Variants in SCIMP observed in about 807,000 individuals in gnomAD.
The protein encoded by SCIMP is SLP adaptor and CSK interacting membrane protein, also known as SLP adapter and CSK-interacting membrane protein.
A neutral mutation model predicts 22.0 loss-of-function variants in SCIMP; 18 were observed. The ratio of observed to expected loss-of-function variants is 0.82; its 90% CI spans 0.56 to 1.21. SCIMP has a LOEUF of 1.21. Ranked by LOEUF, SCIMP falls within the 50% of genes most tolerant of loss-of-function variation. The probability of loss-of-function intolerance (pLI) is 0.00; values close to 1 mark genes in which losing one functional copy is unlikely to be tolerated. For synonymous variants in SCIMP, 53 were observed against 62.2 expected (o/e 0.85, Z 0.70); for missense variants, 155 against 171.2 (o/e 0.91, Z 0.53).
chr17:5,211,726 A>G (rs2074527008), intron 4 of SCIMP, among the ~76,000 whole-genome samples: 1 of 152,048 alleles, frequency 6.6e-6, no homozygotes, highest in Non-Finnish European at 1.5e-5. Context: ...AAGAAAGGGG[A>G]TGGCGTTGTT....
chr17:5,226,667 G>A (rs188115535), intron 1 of SCIMP, among the ~76,000 whole-genome samples: 5 of 151,460 alleles, frequency 3.3e-5, no homozygotes, highest in African/African-American at 9.7e-5. Context: ...CACCATGCCC[G>A]GCTAATTTTT....
At chr17:5,229,687 C>T (rs1335387338) in intron 1 of SCIMP, among the ~76,000 whole-genome samples, 3 of 151,892 alleles carry the variant, frequency 2.0e-5, no homozygotes, top group Non-Finnish European at 2.9e-5. Context: ...TGAGCCACTG[C>T]GTCCGGCGTA....
chr17:5,218,088 C>T (rs905934200), intron 3 of SCIMP, among the ~76,000 whole-genome samples: 2 of 151,920 alleles, frequency 1.3e-5, no homozygotes, highest in African/African-American at 4.8e-5. Flanking sequence ...TTCAGTGGCA[C>T]GATCACAGCT....
At chr17:5,211,947 T>C (rs1003047474) in intron 4 of SCIMP, among the ~76,000 whole-genome samples, 3 of 145,882 alleles carry the variant, frequency 2.1e-5, no homozygotes, top group African/African-American at 7.6e-5. Context: ...ACTCGGGAGG[T>C]TGAGACAGGA....
intron 4 of SCIMP, among the ~76,000 whole-genome samples, chr17:5,211,680 ACT>A (rs2074526461): frequency 6.6e-6 from 1 of 152,126 alleles, no homozygotes; most frequent in African/African-American, 2.4e-5. Context: ...GTTTTCCAGG[ACT>A]CTCTGTAATT....
chr17:5,228,137 A>T (rs1012251741), intron 1 of SCIMP, among the ~76,000 whole-genome samples: 2 of 152,048 alleles, frequency 1.3e-5, no homozygotes, highest in African/African-American at 4.8e-5. Flanking sequence ...ACGCCACTGC[A>T]CTCCAGCCTG....
At chr17:5,231,664 C>T (rs2074695402) in intron 1 of SCIMP, among the ~76,000 whole-genome samples, 1 of 152,188 alleles carries the variant, frequency 6.6e-6, no homozygotes, top group Non-Finnish European at 1.5e-5. Flanking sequence ...GTCCCATAAA[C>T]GTCTCTAAAC....
chr17:5,220,928 G>A (rs1597288286), intron 3 of SCIMP: 1 of 347,468 alleles, frequency 2.9e-6, no homozygotes, highest in Admixed American at 4.1e-5. Flanking sequence ...CATGATGGTG[G>A]GTGCCTGTAA....
intron 3 of SCIMP, 64 bp downstream of exon 3, chr17:5,221,223 G>A (rs771037880): frequency 9.2e-6 from 11 of 1,200,416 alleles, no homozygotes; most frequent in Non-Finnish European, 1.4e-5. Flanking sequence ...TAGTGGAGGG[G>A]CAAGGGTGGA....
chr17:5,215,026 G>T, intron 3 of SCIMP, 28 bp from the exon 4 acceptor site: 1 of 1,515,480 alleles, frequency 6.6e-7, no homozygotes, highest in Admixed American at 1.7e-5. Context: ...GAGAGAATCA[G>T]TGTTTGGTTT....
chr17:5,233,870 C>T (rs569870540), intron 1 of SCIMP: 1 of 152,294 alleles, frequency 6.6e-6, no homozygotes, highest in African/African-American at 2.4e-5. Flanking sequence ...CAGCCCAACA[C>T]ACTTTGATCT....
chr17:5,232,679 A>G (rs1183426319), intron 1 of SCIMP, among the ~76,000 whole-genome samples: 1 of 150,982 alleles, frequency 6.6e-6, no homozygotes, highest in African/African-American at 2.4e-5. Flanking sequence ...GTTGCTGTTC[A>G]TGCTAAGTGA....
In SCIMP at chr17:5,210,897, T is replaced by G. The variant is rs781174325; in HGVS notation, c.342A>C (p.Lys114Asn). ...PATYSLVNKVKNKKTVSIPSY... is the reference protein window; with the variant it reads ...PATYSLVNKVNNKKTVSIPSY... Reference sequence around the variant, plus strand: ...TTGGGATGGAAACAGTCTTCTTATTTTTAACTTTATTTACCAGTGAGTATG... The same window carrying G: ...TTGGGATGGAAACAGTCTTCTTATTGTTAACTTTATTTACCAGTGAGTATG... Residue 114 changes from lysine to asparagine, a missense_variant, in exon 5 of 5, where the codon AAA (lysine) becomes AAC (asparagine). Transcript: ENST00000574081. The G allele has an allele frequency of 1.8e-5, 29 of 1,613,988 alleles. No individual in the cohort carries two copies. The South Asian group carries it at 3.1e-4, about 17-fold the overall frequency.
chr17:5,225,468 A>G (rs2074640361), intron 1 of SCIMP, among the ~76,000 whole-genome samples: 4 of 149,540 alleles, frequency 2.7e-5, no homozygotes, highest in Admixed American at 2.7e-4. Flanking sequence ...CCATCTCAAA[A>G]CAAAAGCAAA....
intron 2 of SCIMP, among the ~76,000 whole-genome samples, 172 bp downstream of exon 2, chr17:5,223,161 C>T (rs2074620965): frequency 6.6e-6 from 1 of 152,122 alleles, no homozygotes; most frequent in East Asian, 1.9e-4. Flanking sequence ...AAACTGAGGC[C>T]TAGAGACATA....
At chr17:5,230,954 A>G (rs918810043) in intron 1 of SCIMP, among the ~76,000 whole-genome samples, 1 of 152,170 alleles carries the variant, frequency 6.6e-6, no homozygotes, top group African/African-American at 2.4e-5. Flanking sequence ...AAAAGAAAAA[A>G]GCCTATAGAG....
intron 4 of SCIMP, among the ~76,000 whole-genome samples, chr17:5,211,233 CAG>C (rs965938525): frequency 2.0e-5 from 3 of 152,202 alleles, no homozygotes; most frequent in African/African-American, 7.2e-5. Flanking sequence ...AGAAAAGAAA[CAG>C]ACCAGGTCAG....
intron 3 of SCIMP, among the ~76,000 whole-genome samples, chr17:5,219,667 G>A (rs550955256): frequency 7.9e-5 from 12 of 152,214 alleles, no homozygotes; most frequent in Non-Finnish European, 1.8e-4. Context: ...ATATCTGGGA[G>A]CCTTGGGCCA....
intron 4 of SCIMP, 130 bp from the exon 5 acceptor site, chr17:5,211,085 C>A (rs1386388959): frequency 1.4e-6 from 2 of 1,408,896 alleles, no homozygotes; most frequent in Non-Finnish European, 1.9e-6. Flanking sequence ...CCCCATTTTA[C>A]AGAGGAAATT....
Sources: gnomAD v4.1 joint callset for allele counts (sites outside exome capture counted in the v4.1 genomes callset) on GRCh38, gnomAD v4.1.1 for gene constraint, MANE v1.5 for transcripts, NCBI Gene and HGNC (gene_info 2026-07-23, HGNC 2026-07-21) for gene names.